Variants in FRAS1 observed in about 807,000 individuals in gnomAD.
The protein encoded by FRAS1 is Fraser extracellular matrix complex subunit 1, also known as extracellular matrix organizing protein FRAS1.
A neutral mutation model predicts 435.2 loss-of-function variants in FRAS1; 290 were observed. The ratio of observed to expected loss-of-function variants is 0.67; its 90% CI spans 0.61 to 0.73. The LOEUF (loss-of-function observed/expected upper bound fraction) is 0.73, where lower values mean the gene tolerates loss of function less well. FRAS1 is among the 30% of genes least tolerant of loss of function. FRAS1 has a pLI of 0.00. For synonymous variants in FRAS1, 1,800 were observed against 1,851.0 expected, an observed-to-expected ratio of 0.97 and a Z score of 0.71; for missense variants, 4,860 against 5,001.5, an observed-to-expected ratio of 0.97 and a Z score of 0.85.
At chr4:78,448,026 T>G in intron 43 of FRAS1, 27 bp from the exon 44 acceptor site, 1 of 1,553,106 alleles carries the variant, frequency 6.4e-7, no homozygotes, top group Non-Finnish European at 8.7e-7. Context: ...CTACCATTGT[T>G]TTGCTTTTCT....
chr4:78,061,483 C>T (rs1169439025), intron 1 of FRAS1, among the ~76,000 whole-genome samples: 1 of 152,176 alleles, frequency 6.6e-6, no homozygotes, highest in Non-Finnish European at 1.5e-5. Flanking sequence ...TGTGTCCCAT[C>T]ACTCTCCATG....
chr4:78,400,251 C>T (rs1024212067), intron 29 of FRAS1, among the ~76,000 whole-genome samples: 1 of 152,208 alleles, frequency 6.6e-6, no homozygotes, highest in Non-Finnish European at 1.5e-5. Context: ...CCTGCTCAAG[C>T]TTCTTATAGA....
intron 11 of FRAS1, 102 bp from the exon 12 acceptor site, chr4:78,282,718 C>G: frequency 7.5e-7 from 1 of 1,326,160 alleles, no homozygotes; most frequent in South Asian, 1.2e-5. Flanking sequence ...TGATTAGCTG[C>G]CTTCACTTTG....
rs75215883 is a variant in FRAS1, at chr4:78,279,236, C to T, written c.1071+492C>T. 5.8e-4 allele frequency among the ~76,000 whole-genome samples: 88 copies of T among 152,236 alleles called. 1 individual carries two copies. The East Asian group carries it at 0.012, about 20-fold the overall frequency. The stretch of plus-strand genomic sequence containing the variant: ...CACTGAGACGCAAGTGTGTTTGGCA[C>T]GTTCAAGAAATTGGAGTCTGGTAGG... On this transcript the variant is annotated intron_variant, in intron 10 of 73. Transcript: ENST00000512123.
chr4:78,319,246 A>G (rs1338933966), intron 18 of FRAS1: 16 of 528,656 alleles, frequency 3.0e-5, no homozygotes, highest in South Asian at 3.6e-5. Context: ...AGTCCCAGAC[A>G]GAAATTCTTT....
At chr4:78,437,609 C>G (rs1323699985) in intron 38 of FRAS1, among the ~76,000 whole-genome samples, 1 of 152,162 alleles carries the variant, frequency 6.6e-6, no homozygotes, top group Non-Finnish European at 1.5e-5. Flanking sequence ...CTGTTGGCCC[C>G]CGCCCTCTTG....
In FRAS1 at chr4:78,400,716, A is replaced by G; in HGVS notation, c.3976-18A>G. On this transcript the variant is annotated intron_variant, in intron 29 of 73. Coordinates refer to ENST00000512123, the MANE Select transcript of FRAS1 (RefSeq NM_025074.7). ...TTACTTTGCTTGGAACTAATTCTGC[A>G]TTTTATTTTTATTTCAGAATGACAG... The G allele has an allele frequency of 6.2e-7, 1 of 1,608,022 alleles. No individual in the cohort carries two copies. Among genetic ancestry groups the G allele is most frequent in the South Asian group, 1.1e-5 (1 of 89,708 alleles).
chr4:78,077,921 GCAAA>G (rs553432553), intron 2 of FRAS1, among the ~76,000 whole-genome samples: 407 of 148,052 alleles, frequency 2.7e-3, no homozygotes, highest in African/African-American at 9.6e-3. Context: ...AAAAAAAACA[GCAAA>G]TATAAAAGAG....
chr4:78,165,482 C>T (rs749202873), intron 2 of FRAS1, among the ~76,000 whole-genome samples: 3 of 152,172 alleles, frequency 2.0e-5, no homozygotes, highest in Non-Finnish European at 2.9e-5. Context: ...CTTTACTGCT[C>T]AAGGCTTCCA....
intron 18 of FRAS1, among the ~76,000 whole-genome samples, chr4:78,322,727 A>G (rs994545587): frequency 6.6e-6 from 1 of 152,202 alleles, no homozygotes; most frequent in Non-Finnish European, 1.5e-5. Context: ...GGACAAAAAA[A>G]TTTAAAATTA....
At chr4:78,357,282 G>A (rs1730892148) in intron 20 of FRAS1, among the ~76,000 whole-genome samples, 1 of 152,158 alleles carries the variant, frequency 6.6e-6, no homozygotes, top group Non-Finnish European at 1.5e-5. Context: ...CAGGACGTTT[G>A]TAACAGTCTC....
intron 37 of FRAS1, among the ~76,000 whole-genome samples, chr4:78,431,497 G>T (rs1394037627): frequency 1.3e-5 from 2 of 152,182 alleles, no homozygotes; most frequent in African/African-American, 4.8e-5. Flanking sequence ...CTTAGAAGAT[G>T]AATAGACAGA....
rs554946302 is a variant in FRAS1 at position 78,189,131 on chromosome 4, G to A, written c.109-48379G>A. Reference sequence around the variant, plus strand: ...ATATACATCATCTGCTTCTAGTTCTGACATATTTACCTGTAAGCTTTGCCT... The same window carrying A: ...ATATACATCATCTGCTTCTAGTTCTAACATATTTACCTGTAAGCTTTGCCT... On this transcript the variant is annotated intron_variant, in intron 2 of 73. Coordinates refer to ENST00000512123, the MANE Select transcript of FRAS1 (RefSeq NM_025074.7). Among the ~76,000 whole-genome samples, 5 of 152,270 alleles carry A rather than the reference G, an allele frequency of 3.3e-5. No homozygotes were observed. The East Asian group carries it at 9.7e-4, about 29-fold the overall frequency.
intron 2 of FRAS1, among the ~76,000 whole-genome samples, chr4:78,144,493 T>C (rs1397552981): frequency 4.6e-5 from 7 of 152,048 alleles, no homozygotes; most frequent in Admixed American, 6.6e-5. Context: ...TTGTATTAAT[T>C]TTAATGTATT....
intron 15 of FRAS1, among the ~76,000 whole-genome samples, chr4:78,310,248 G>A (rs890372059): frequency 6.6e-6 from 1 of 152,186 alleles, no homozygotes; most frequent in Admixed American, 6.5e-5. Flanking sequence ...TGTCAAATTT[G>A]CACTAATCCA....
chr4:78,398,103 A>G (rs1470256788), intron 29 of FRAS1, among the ~76,000 whole-genome samples: 1 of 147,490 alleles, frequency 6.8e-6, no homozygotes, highest in Non-Finnish European at 1.5e-5. Flanking sequence ...TTATTCTGCC[A>G]TCTTGCTTAT....
chr4:78,125,995 C>A (rs759147464), intron 2 of FRAS1, among the ~76,000 whole-genome samples: 1 of 152,232 alleles, frequency 6.6e-6, no homozygotes, highest in Admixed American at 6.5e-5. Context: ...GAGGTGGAAT[C>A]TGGACAGGCA....
At chr4:78,105,235 C>T (rs1254185812) in intron 2 of FRAS1, among the ~76,000 whole-genome samples, 2 of 152,204 alleles carry the variant, frequency 1.3e-5, no homozygotes, top group Admixed American at 6.5e-5. Context: ...CCTTCCACAT[C>T]TGCTCTGGAC....
At chr4:78,522,481 A>G (rs1020168489) in intron 68 of FRAS1, among the ~76,000 whole-genome samples, 168 bp from the exon 69 acceptor site, 1 of 152,202 alleles carries the variant, frequency 6.6e-6, no homozygotes, top group Non-Finnish European at 1.5e-5. Flanking sequence ...GTGAGATGCC[A>G]TTCTATCCAG....
Sources: gnomAD v4.1 joint callset for allele counts (sites outside exome capture counted in the v4.1 genomes callset) on GRCh38, gnomAD v4.1.1 for gene constraint, MANE v1.5 for transcripts, NCBI Gene and HGNC (gene_info 2026-07-23, HGNC 2026-07-21) for gene names.